The following CPED1 variants were observed in gnomAD, a reference collection of about 807,000 sequenced individuals.
CPED1 encodes the protein cadherin-like and PC-esterase domain-containing protein 1.
CPED1 carries 114 observed loss-of-function variants against 128.2 expected under a neutral mutation model. The observed-to-expected ratio is 0.89, with a 90% CI of 0.76 to 1.04. The LOEUF is 1.04. Among genes scored for constraint, CPED1 ranks in the 50% least tolerant of loss-of-function variants. The pLI is 0.00. For synonymous variants in CPED1, 462 were observed against 426.7 expected (o/e 1.08, Z -1.02); for missense variants, 1,211 against 1,207.1 (o/e 1.00, Z -0.05).
intron 18 of CPED1, among the ~76,000 whole-genome samples, chr7:121,263,874 T>G (rs181420272): frequency 6.6e-6 from 1 of 152,162 alleles, no homozygotes; most frequent in Non-Finnish European, 1.5e-5. Flanking sequence ...GTTTAAAAGC[T>G]AGATCTCAAA....
At chr7:121,006,318 C>A (rs942706225) in intron 2 of CPED1, among the ~76,000 whole-genome samples, 1 of 151,970 alleles carries the variant, frequency 6.6e-6, no homozygotes, top group African/African-American at 2.4e-5. Flanking sequence ...TACGGACGTC[C>A]TTTAACTACT....
chr7:121,088,275 G>A lies in CPED1; in HGVS notation c.617-9424G>A, dbSNP rs143084449. Reference sequence around the variant, plus strand: ...TAAATTTGTGAAAAATAATTCATACGTATGTATATTCATATATATGGTAAA... The same window carrying A: ...TAAATTTGTGAAAAATAATTCATACATATGTATATTCATATATATGGTAAA... On this transcript the variant is annotated intron_variant, in intron 5 of 22. Transcript: ENST00000310396. Among the ~76,000 whole-genome samples the A allele has an allele frequency of 3.0e-4, 45 of 152,222 alleles. 2 individuals are homozygous for A. In the East Asian group the frequency reaches 8.1e-3, roughly 27 times the overall value.
chr7:121,233,865 C>T (rs895651136), intron 16 of CPED1, among the ~76,000 whole-genome samples: 6 of 152,040 alleles, frequency 3.9e-5, no homozygotes, highest in African/African-American at 1.4e-4. Context: ...GTAGAGGTAG[C>T]TCCACAGCAT....
chr7:121,208,968 A>G (rs1252182630), intron 16 of CPED1, among the ~76,000 whole-genome samples: 1 of 152,070 alleles, frequency 6.6e-6, no homozygotes, highest in African/African-American at 2.4e-5. Context: ...AGTATAGCAT[A>G]TGCATAATGT....
chr7:121,130,735 T>C (rs532674190), intron 12 of CPED1, among the ~76,000 whole-genome samples: 9 of 149,980 alleles, frequency 6.0e-5, no homozygotes, highest in African/African-American at 2.2e-4. Flanking sequence ...TGAATGTATA[T>C]ACATATGTTC....
At position 121,293,058 on chromosome 7, in the gene CPED1, A is replaced by G. The variant is rs1487352776; in HGVS notation, c.2869-2382A>G. ...CAGAGCTCTAGTGCTGTGTTGGGAG[A>G]TCCTCTGCTCTCTTCGGAGCCAGCA... is the stretch of plus-strand genomic sequence containing the variant. On this transcript the variant is annotated intron_variant, in intron 22 of 22. Transcript: ENST00000310396. 3.3e-5 allele frequency among the ~76,000 whole-genome samples: 5 copies of G among 152,216 alleles called. No homozygotes were observed. The East Asian group carries it at 9.7e-4, about 30-fold the overall frequency.
At chr7:121,014,300 C>A (rs558839638) in intron 2 of CPED1, among the ~76,000 whole-genome samples, 26 of 152,204 alleles carry the variant, frequency 1.7e-4, no homozygotes, top group African/African-American at 6.0e-4. Flanking sequence ...CGCCTGTAAT[C>A]CCAGCACTTC....
intron 3 of CPED1, among the ~76,000 whole-genome samples, chr7:121,021,331 G>T (rs1237221363): frequency 1.3e-5 from 2 of 151,832 alleles, no homozygotes; most frequent in East Asian, 3.9e-4. Flanking sequence ...ACATTCACTT[G>T]CACTTTAAAG....
intron 17 of CPED1, among the ~76,000 whole-genome samples, chr7:121,241,486 G>A (rs1798395073): frequency 6.8e-6 from 1 of 146,044 alleles, no homozygotes; most frequent in African/African-American, 2.5e-5. Flanking sequence ...ATTTTCTGTT[G>A]TTTCTTTTAG....
chr7:120,997,595 G>A (rs1472578022), intron 2 of CPED1, among the ~76,000 whole-genome samples: 3 of 152,156 alleles, frequency 2.0e-5, no homozygotes, highest in Non-Finnish European at 4.4e-5. Flanking sequence ...ACTGGAGTAA[G>A]GTGGCCCCTA....
At chr7:121,218,049 A>G (rs1457620280) in intron 16 of CPED1, among the ~76,000 whole-genome samples, 1 of 151,554 alleles carries the variant, frequency 6.6e-6, no homozygotes, top group Non-Finnish European at 1.5e-5. Context: ...CAGTGGCACA[A>G]TCTCGACTCA....
At chr7:121,231,889 A>G (rs1054894434) in intron 16 of CPED1, among the ~76,000 whole-genome samples, 5 of 152,156 alleles carry the variant, frequency 3.3e-5, no homozygotes, top group African/African-American at 1.2e-4. Context: ...TAGCATTTGT[A>G]CAAAAATATT....
chr7:121,143,404 G>A (rs894173394), intron 16 of CPED1, among the ~76,000 whole-genome samples: 1 of 151,876 alleles, frequency 6.6e-6, no homozygotes, highest in Non-Finnish European at 1.5e-5. Flanking sequence ...TATTTGATAT[G>A]GTTTTAATAG....
In CPED1 at chr7:121,249,683, C is replaced by T. The variant is rs549340917; in HGVS notation, c.2310+5345C>T. On this transcript the variant is annotated intron_variant, in intron 18 of 22. Coordinates refer to ENST00000310396, the MANE Select transcript of CPED1 (RefSeq NM_024913.5). ...ATTACAAGAGGTCCTTAAGGGAGTG[C>T]TGAACATGGAATTAAAAGATCAGCA... Among the ~76,000 whole-genome samples, 179 of 152,140 alleles carry T rather than the reference C, an allele frequency of 1.2e-3. 2 individuals carry two copies. Among genetic ancestry groups the T allele is most frequent in the Non-Finnish European group, 1.5e-3 (105 of 67,954 alleles).
intron 7 of CPED1, among the ~76,000 whole-genome samples, chr7:121,120,043 G>A (rs182892548): frequency 6.6e-6 from 1 of 152,230 alleles, no homozygotes; most frequent in East Asian, 1.9e-4. Context: ...ACTACATTTT[G>A]TTTATCCCTT....
intron 18 of CPED1, among the ~76,000 whole-genome samples, chr7:121,252,161 A>G (rs943243927): frequency 5.9e-5 from 9 of 151,294 alleles, no homozygotes; most frequent in Admixed American, 3.3e-4. Flanking sequence ...ATAACGCCGC[A>G]TATCTACAAC....
chr7:121,231,165 T>A (rs1050383241), intron 16 of CPED1, among the ~76,000 whole-genome samples: 1 of 152,014 alleles, frequency 6.6e-6, no homozygotes, highest in African/African-American at 2.4e-5. Context: ...CTTCTTTGAG[T>A]TGGTATTTGG....
At chr7:121,285,153 T>C (rs1390766223) in intron 22 of CPED1, among the ~76,000 whole-genome samples, 2 of 152,152 alleles carry the variant, frequency 1.3e-5, no homozygotes, top group Admixed American at 1.3e-4. Context: ...GGGCTTGAAC[T>C]CTCTAAAATA....
intron 4 of CPED1, among the ~76,000 whole-genome samples, 186 bp from the exon 5 acceptor site, chr7:121,064,052 T>C (rs916389862): frequency 2.0e-5 from 3 of 152,240 alleles, no homozygotes. Flanking sequence ...GTTTTAGTTT[T>C]ATGTTATCAA....
Sources: allele counts gnomAD v4.1 joint callset (sites outside exome capture counted in the v4.1 genomes callset), GRCh38; gene constraint gnomAD v4.1.1; transcripts MANE v1.5; gene names NCBI Gene and HGNC (gene_info 2026-07-23, HGNC 2026-07-21).